The following PATZ1 variants were observed in gnomAD, a reference collection of about 807,000 sequenced individuals.
PATZ1 encodes the protein POZ-, AT hook-, and zinc finger-containing protein 1.
In PATZ1, 9 loss-of-function variants were observed where a neutral mutation model predicts 46.2. The ratio of observed to expected loss-of-function variants is 0.19; its 90% CI spans 0.12 to 0.34. The LOEUF (loss-of-function observed/expected upper bound fraction) is 0.34. PATZ1 is among the 10% of genes least tolerant of loss of function. The pLI, the probability that PATZ1 is intolerant of heterozygous loss-of-function variation, is 1.00. For synonymous variants in PATZ1, 426 were observed against 378.6 expected (o/e 1.13, Z -1.45); for missense variants, 632 against 923.0 (o/e 0.68, Z 4.08).
At chr22:31,331,880 G>T (rs911907940) in intron 3 of PATZ1, among the ~76,000 whole-genome samples, 4 of 152,172 alleles carry the variant, frequency 2.6e-5, no homozygotes, top group African/African-American at 9.7e-5. Flanking sequence ...GGAGGCCGAG[G>T]CAGGCAGATC....
At chr22:31,333,476 CTTTTTTTT>C (rs71319182) in intron 3 of PATZ1, among the ~76,000 whole-genome samples, 3 of 128,738 alleles carry the variant, frequency 2.3e-5, no homozygotes, top group African/African-American at 8.8e-5. Context: ...TATCCTCTTC[CTTTTTTTT>C]TTTTTTTTTT....
chr22:31,331,923 CA>C (rs1307038479), intron 3 of PATZ1, among the ~76,000 whole-genome samples: 1 of 152,064 alleles, frequency 6.6e-6, no homozygotes, highest in African/African-American at 2.4e-5. Context: ...CCAGCCTGAC[CA>C]ACATGGAGAA....
At chr22:31,336,912 A>G (rs1325802647) in intron 2 of PATZ1, among the ~76,000 whole-genome samples, 2 of 151,620 alleles carry the variant, frequency 1.3e-5, no homozygotes, top group Non-Finnish European at 2.9e-5. Flanking sequence ...GATCAAGACC[A>G]TCCTGGCTAA....
At chr22:31,335,929 T>C in intron 2 of PATZ1, 66 bp from the exon 3 acceptor site, 1 of 1,488,134 alleles carries the variant, frequency 6.7e-7, no homozygotes, top group South Asian at 1.2e-5. Context: ...CCCCACCAAG[T>C]GCACCATGAA....
chr22:31,341,717 C>T (rs1284431909), intron 2 of PATZ1: 2 of 1,573,310 alleles, frequency 1.3e-6, no homozygotes, highest in African/African-American at 1.4e-5. Flanking sequence ...GGTTACCCCC[C>T]CAGGCCACCG....
chr22:31,338,965 T>C (rs1209529841), intron 2 of PATZ1, among the ~76,000 whole-genome samples: 1 of 152,092 alleles, frequency 6.6e-6, no homozygotes, highest in Admixed American at 6.5e-5. Flanking sequence ...ATATTCAGGA[T>C]TTTGTCTTCC....
chr22:31,335,683 G>A lies in PATZ1; in HGVS notation c.1507+9C>T. 1 of 1,612,400 alleles carries A rather than the reference G, an allele frequency of 6.2e-7. No homozygotes were observed. On this transcript the variant is annotated intron_variant, in intron 3 of 4. Coordinates refer to ENST00000266269, the MANE Select transcript of PATZ1 (RefSeq NM_014323.3). ...TCCTCTGGAAGTGAGGAAACAGTGG[G>A]CAGATTACCTCGGTTACAGATACTG...
intron 3 of PATZ1, among the ~76,000 whole-genome samples, chr22:31,334,026 GT>G (rs1045115569): frequency 6.6e-6 from 1 of 152,342 alleles, no homozygotes; most frequent in African/African-American, 2.4e-5. Context: ...CCACTCAGCA[GT>G]TTTCAACCTC....
In PATZ1 at chr22:31,326,327, G is replaced by A. The variant is rs187572348; in HGVS notation, c.*564C>T. ...TCCAAGCAGGGCTCAGAAAGGTCTG[G>A]AGCCCTCCAGGCAGAGGGCTGAGCT... On this transcript the variant is annotated 3_prime_UTR_variant, in exon 5 of 5. Transcript: ENST00000266269. 1 of 230,890 alleles carries A rather than the reference G, an allele frequency of 4.3e-6. No individual in the cohort carries two copies. Among genetic ancestry groups the A allele is most frequent in the African/African-American group, 2.2e-5 (1 of 45,306 alleles). The allele number at this position is 230,890 out of a possible 1,614,324, so 14.3% of individuals were successfully genotyped here. A position where few individuals can be genotyped will look rare whatever the true frequency, so the allele number is the denominator to read the frequency against.
At position 31,326,725 on chromosome 22, in the gene PATZ1, C is replaced by T. The variant is rs1260802767; in HGVS notation, c.*166G>A. 1.6e-6 allele frequency: 1 copy of T among 611,118 alleles called. No homozygotes were observed. The highest frequency in any genetic ancestry group is 1.9e-5 in the African/African-American group (1 of 53,990). The allele number at this position is 611,118 out of a possible 1,614,324, so 37.9% of individuals were successfully genotyped here. A position where few individuals can be genotyped will look rare whatever the true frequency, so the allele number is the denominator to read the frequency against. ...CAGATGAAAATCTATTTCTAAAGACCATTGGGAGAATGGGTGGTGGAGAAG... is the reference window on the plus strand; with the variant it reads ...CAGATGAAAATCTATTTCTAAAGACTATTGGGAGAATGGGTGGTGGAGAAG... On this transcript the variant is annotated 3_prime_UTR_variant, in exon 5 of 5. Transcript: ENST00000266269.
chr22:31,345,351 C>T lies in PATZ1; in HGVS notation c.252G>A (p.Pro84=). ...CTGCCGTCGCGCCCCCTACATCAGC[C>T]GGACCCCCGTCCGCAGCTCCGCCGT... ...LGDGGAADGG[P]ADVGGATAAP... The change falls in exon 1 of 5, where the codon CCG becomes CCA. Residue 84 remains proline, a synonymous_variant. Transcript: ENST00000266269. The surrounding 1 kb of genome is among the most constrained non-coding windows in gnomAD (Gnocchi z 7.4). 1 of 1,607,502 alleles carries T rather than the reference C, an allele frequency of 6.2e-7. No homozygotes were observed. The highest frequency in any genetic ancestry group is 1.1e-5 in the South Asian group (1 of 90,556).
rs1239321776 is a variant in PATZ1, at chr22:31,326,319, A to G, written c.*572T>C. On this transcript the variant is annotated 3_prime_UTR_variant, in exon 5 of 5. Transcript: ENST00000266269. ...TGCTCGCCTCCAAGCAGGGCTCAGA[A>G]AGGTCTGGAGCCCTCCAGGCAGAGG... 4.3e-6 allele frequency: 1 copy of G among 230,154 alleles called. No homozygotes were observed. The highest frequency in any genetic ancestry group is 2.2e-5 in the African/African-American group (1 of 45,126). The allele number at this position is 230,154 out of a possible 1,614,324, so 14.3% of individuals were successfully genotyped here.
rs2049629878 is a variant in PATZ1 at position 31,344,837 on chromosome 22, A to T, written c.766T>A (p.Ser256Thr). The T allele has an allele frequency of 6.2e-7, 1 of 1,612,354 alleles. No individual in the cohort carries two copies. Among genetic ancestry groups the T allele is most frequent in the Admixed American group, 1.7e-5 (1 of 59,992 alleles). Residue 256 changes from serine to threonine, a missense_variant, in exon 1 of 5, where the codon TCC becomes ACC. By Grantham distance (58) the Ser-to-Thr change is moderately conservative. Transcript: ENST00000266269. The part of the protein sequence containing the change: ...LLTSPFPSVA[S>T]SAPPLTGKRG... ...TTGCCAGTCAGGGGAGGGGCACTGGATGCCACACTGGGGAATGGGGAAGTC... is the reference window on the plus strand; with the variant it reads ...TTGCCAGTCAGGGGAGGGGCACTGGTTGCCACACTGGGGAATGGGGAAGTC...
At chr22:31,343,085 C>A in intron 1 of PATZ1, 125 bp from the exon 2 acceptor site, 3 of 1,479,190 alleles carry the variant, frequency 2.0e-6, no homozygotes, top group Admixed American at 2.2e-5. Flanking sequence ...TCTCCCCAAC[C>A]CCAGCATGAC....
Position 31,326,810 on chromosome 22 carries a change from C to T in PATZ1, c.*81G>A. ...AATAAAAATCTCTCAGCTACAGAAC[C>T]CAAACATCACTTCCCTCCGCATTCA... On this transcript the variant is annotated 3_prime_UTR_variant, in exon 5 of 5. Coordinates refer to ENST00000266269, the MANE Select transcript of PATZ1 (RefSeq NM_014323.3). 7.8e-7 allele frequency: 1 copy of T among 1,289,032 alleles called. No homozygotes were observed. Among genetic ancestry groups the T allele is most frequent in the Non-Finnish European group, 1.1e-6 (1 of 937,354 alleles). 79.8% of individuals were successfully genotyped at this position (1,289,032 alleles called of 1,614,324 possible).
At chr22:31,344,303 C>G in intron 1 of PATZ1, 29 bp downstream of exon 1, 1 of 1,558,012 alleles carries the variant, frequency 6.4e-7, no homozygotes. Flanking sequence ...TAACGTGTGG[C>G]AGGGGAGGAA....
At chr22:31,333,963 C>G (rs1196447555) in intron 3 of PATZ1, among the ~76,000 whole-genome samples, 1 of 152,152 alleles carries the variant, frequency 6.6e-6, no homozygotes, top group Non-Finnish European at 1.5e-5. Context: ...CAGTTTCTGC[C>G]CTACTCCACC....
chr22:31,327,302 C>T lies in PATZ1; in HGVS notation c.1653G>A (p.Gln551=). The T allele has an allele frequency of 6.2e-7, 1 of 1,612,018 alleles. No individual in the cohort carries two copies. The highest frequency in any genetic ancestry group is 8.5e-7 in the Non-Finnish European group (1 of 1,178,622). Residue 551 remains glutamine, a synonymous_variant, in exon 5 of 5, where the codon CAG becomes CAA. Coordinates refer to ENST00000266269, the MANE Select transcript of PATZ1 (RefSeq NM_014323.3). The surrounding 1 kb of genome is among the most constrained non-coding windows in gnomAD (Gnocchi z 4.2). ...CARTYGNKEG[Q]KCSHQDPIES... ...CAATCGGATCCTGATGTGAGCATTT[C>T]TGGCCTTCTACGAAAAAACAAAATA...
chr22:31,344,388 A>G lies in PATZ1; in HGVS notation c.1215T>C (p.His405=). 6.2e-7 allele frequency: 1 copy of G among 1,614,112 alleles called. No individual in the cohort carries two copies. ...KDRMSYHVRS[H]DGSVGKPYIC... ...TGTAAGGCTTGCCCACGGACCCATC[A>G]TGGGACCGCACATGGTAGGACATGC... Residue 405 remains histidine, a synonymous_variant, in exon 1 of 5, where the codon CAT becomes CAC. Transcript: ENST00000266269.
Sources: gnomAD v4.1 joint callset for allele counts (sites outside exome capture counted in the v4.1 genomes callset) on GRCh38, gnomAD v4.1.1 for gene constraint, Gnocchi (gnomAD v3.1) non-coding constraint, MANE v1.5 for transcripts, NCBI Gene and HGNC (gene_info 2026-07-23, HGNC 2026-07-21) for gene names.